The following RARB variants were observed in gnomAD, a reference collection of about 807,000 sequenced individuals.
RARB encodes the protein retinoic acid receptor beta, also known as HBV-activated protein.
Under a neutral mutation model 51.9 loss-of-function variants are expected in RARB, and 17 were observed. That is an observed-to-expected ratio of 0.33 (90% CI 0.22 to 0.49). The LOEUF (loss-of-function observed/expected upper bound fraction) is 0.49. RARB is among the 20% of genes least tolerant of loss of function. RARB has a pLI of 0.99. For synonymous variants in RARB, 215 were observed against 195.4 expected, an observed-to-expected ratio of 1.10 and a Z score of -0.84; for missense variants, 369 against 550.8, an observed-to-expected ratio of 0.67 and a Z score of 3.30.
At chr3:25,346,839 C>T (rs1705409474) in intron 5 of RARB, among the ~76,000 whole-genome samples, 1 of 152,154 alleles carries the variant, frequency 6.6e-6, no homozygotes, top group South Asian at 2.1e-4. Context: ...TTTTTGAGGG[C>T]CTATTGGGGG....
intron 3 of RARB, among the ~76,000 whole-genome samples, chr3:25,122,580 AG>A (rs1316856673): frequency 6.6e-6 from 1 of 152,088 alleles, no homozygotes; most frequent in Non-Finnish European, 1.5e-5. Context: ...GGAAAGTATG[AG>A]GGGGACAAGT....
chr3:24,989,034 C>A (rs982515194), intron 2 of RARB, among the ~76,000 whole-genome samples: 2 of 152,272 alleles, frequency 1.3e-5, no homozygotes, highest in Non-Finnish European at 2.9e-5. Context: ...CCACGTTGGC[C>A]AGGCTGGTCT....
At chr3:25,579,388 C>G (rs924267740) in intron 4 of RARB, among the ~76,000 whole-genome samples, 21 of 152,218 alleles carry the variant, frequency 1.4e-4, no homozygotes, top group Admixed American at 2.6e-4. Context: ...CCTTCCCGCT[C>G]CTGGAAAACC....
chr3:25,126,132 C>T (rs753552462), intron 3 of RARB, among the ~76,000 whole-genome samples: 1 of 152,042 alleles, frequency 6.6e-6, no homozygotes, highest in Non-Finnish European at 1.5e-5. Flanking sequence ...AGTGCTGGCT[C>T]CTTTGCCTTT....
chr3:25,442,376 C>G (rs1203632847), intron 1 of RARB, among the ~76,000 whole-genome samples: 2 of 152,080 alleles, frequency 1.3e-5, no homozygotes, highest in African/African-American at 2.4e-5. Flanking sequence ...CCTCATGATC[C>G]ACCCGCCTCG....
At chr3:25,032,708 A>AAGGGAGGGTATTTCAGCAGGGGGC (rs1359139208) in intron 2 of RARB, among the ~76,000 whole-genome samples, 2 of 152,192 alleles carry the variant, frequency 1.3e-5, no homozygotes, top group African/African-American at 2.4e-5. Flanking sequence ...ACATAGATGG[A>AAGGGAGGGTATTTCAGCAGGGGGC]AGGGAGGGTA....
At chr3:24,927,499 CT>C in intron 2 of RARB, among the ~76,000 whole-genome samples, 1 of 152,118 alleles carries the variant, frequency 6.6e-6, no homozygotes, top group African/African-American at 2.4e-5. Flanking sequence ...ATTGAAAGCT[CT>C]ATGTGACATC....
At chr3:25,232,915 G>A (rs1702213333) in intron 5 of RARB, among the ~76,000 whole-genome samples, 1 of 151,772 alleles carries the variant, frequency 6.6e-6, no homozygotes, top group African/African-American at 2.4e-5. Flanking sequence ...TTTAAGGCAG[G>A]CTAGACTAAG....
intron 4 of RARB, among the ~76,000 whole-genome samples, chr3:25,577,730 C>T (rs941053566): frequency 2.0e-5 from 3 of 152,172 alleles, no homozygotes; most frequent in African/African-American, 4.8e-5. Flanking sequence ...GAAGGCAGCC[C>T]GTTGCAGCAG....
chr3:25,384,554 T>C (rs1351205792), intron 5 of RARB, among the ~76,000 whole-genome samples: 2 of 152,190 alleles, frequency 1.3e-5, no homozygotes, highest in South Asian at 4.1e-4. Flanking sequence ...AGCCCTTTTT[T>C]TCTTTGTAGC....
chr3:25,398,189 A>T (rs1707167957), intron 5 of RARB, among the ~76,000 whole-genome samples: 1 of 152,114 alleles, frequency 6.6e-6, no homozygotes, highest in Non-Finnish European at 1.5e-5. Flanking sequence ...ATGTAAACAG[A>T]CACTTTCCCA....
chr3:24,893,527 A>T (rs1703426108), intron 2 of RARB, among the ~76,000 whole-genome samples: 1 of 152,022 alleles, frequency 6.6e-6, no homozygotes, highest in African/African-American at 2.4e-5. Context: ...TACTGATTTA[A>T]TTTTTTTCAT....
intron 2 of RARB, among the ~76,000 whole-genome samples, chr3:24,996,732 T>A (rs1697048363): frequency 6.6e-6 from 1 of 152,030 alleles, no homozygotes; most frequent in African/African-American, 2.4e-5. Context: ...AGAAGCATAT[T>A]GTTTAATTTC....
Position 25,402,902 on chromosome 3 carries a change from C to T in RARB, c.179-58291C>T, listed in dbSNP as rs141357970. 3.7e-3 allele frequency among the ~76,000 whole-genome samples: 557 copies of T among 152,124 alleles called. 7 individuals are homozygous for T. Among genetic ancestry groups the T allele is most frequent in the African/African-American group, 0.013 (520 of 41,482 alleles). ...GAATAAAGCCAAGCGTGGTGGCTCA[C>T]GCCTGTAATCCCAGCACTTTGGGAG... On this transcript the variant is annotated intron_variant, in intron 5 of 11. Coordinates refer to the RARB transcript ENST00000383772.
chr3:25,373,808 G>T (rs113370015), intron 5 of RARB, among the ~76,000 whole-genome samples: 10 of 152,252 alleles, frequency 6.6e-5, no homozygotes, highest in African/African-American at 2.4e-4. Flanking sequence ...TTGAACTTTA[G>T]AGAGGCCATT....
chr3:25,244,533 A>G (rs1395126849), intron 5 of RARB, among the ~76,000 whole-genome samples: 1 of 152,102 alleles, frequency 6.6e-6, no homozygotes, highest in African/African-American at 2.4e-5. Context: ...ATTGGTTTCA[A>G]AGAACTTATT....
chr3:25,151,806 TCC>T (rs1348107608), intron 4 of RARB, among the ~76,000 whole-genome samples: 1 of 152,232 alleles, frequency 6.6e-6, no homozygotes, highest in Non-Finnish European at 1.5e-5. Context: ...CTGTTTAGTT[TCC>T]CATCAGTATG....
intron 3 of RARB, among the ~76,000 whole-genome samples, chr3:25,561,781 A>C (rs1005747626): frequency 2.0e-5 from 3 of 152,216 alleles, no homozygotes; most frequent in Non-Finnish European, 4.4e-5. Flanking sequence ...AGATCCGGCC[A>C]TTATATTTTA....
chr3:25,085,383 G>A (rs987452907), intron 3 of RARB, among the ~76,000 whole-genome samples: 2 of 152,040 alleles, frequency 1.3e-5, no homozygotes, highest in African/African-American at 4.8e-5. Flanking sequence ...CATGGAATGG[G>A]AAAAATCTGA....
Sources: gnomAD v4.1 joint callset for allele counts (sites outside exome capture counted in the v4.1 genomes callset) on GRCh38, gnomAD v4.1.1 for gene constraint, MANE v1.5 for transcripts, NCBI Gene and HGNC (gene_info 2026-07-23, HGNC 2026-07-21) for gene names.